Variants in MRE11 observed in about 807,000 individuals in gnomAD.
MRE11 encodes MRE11 double strand break repair nuclease.
MRE11 carries 62 observed loss-of-function variants against 91.7 expected under a neutral mutation model. That is an observed-to-expected ratio of 0.68 (90% CI 0.55 to 0.84). The LOEUF (loss-of-function observed/expected upper bound fraction) is 0.84, where lower values mean the gene tolerates loss of function less well. Among genes scored for constraint, MRE11 ranks in the 40% least tolerant of loss-of-function variants. The pLI is 0.00. For synonymous variants in MRE11, 273 were observed against 271.4 expected (o/e 1.01, Z -0.06); for missense variants, 796 against 852.9 (o/e 0.93, Z 0.83).
rs1591695249 is a variant in MRE11, at chr11:94,471,671, T to TACA, written c.745_747dup (p.Cys249dup). The TACA allele has an allele frequency of 6.2e-7, 1 of 1,612,896 alleles. No individual in the cohort carries two copies. The highest frequency in any genetic ancestry group is 8.5e-7 in the Non-Finnish European group (1 of 1,179,218). The stretch of plus-strand genomic sequence containing the variant: ...TGTTCATTTTTGGTTGGAGCTATTT[T>TACA]ACACTCATGTTCATGGCCCCAGATA... On this transcript the variant is annotated inframe_insertion, in exon 8 of 20. Transcript: ENST00000323929.
At chr11:94,510,102 T>A in the MRE11 span, among the ~76,000 whole-genome samples, 1 of 152,180 alleles carries the variant, frequency 6.6e-6, no homozygotes, top group Non-Finnish European at 1.5e-5. Context: ...CTTAAATGTT[T>A]GGAAGATACC....
In MRE11 at chr11:94,418,984, C is replaced by T. The variant is rs1227636329; in HGVS notation, c.*1141G>A. On this transcript the variant is annotated 3_prime_UTR_variant, in exon 20 of 20. Transcript: ENST00000323929. ...TTTGTTTCTACCTATGAAGAAATGT[C>T]GGGCCATTGTACTCCCAAGATGTAT... is the stretch of plus-strand genomic sequence containing the variant. The T allele has an allele frequency of 3.9e-5, 9 of 230,932 alleles. No homozygotes were observed. The highest frequency in any genetic ancestry group is 1.1e-4 in the Admixed American group (2 of 17,704). The allele number at this position is 230,932 out of a possible 1,614,324, so 14.3% of individuals were successfully genotyped here.
chr11:94,435,217 A>G (rs915077763), intron 18 of MRE11, among the ~76,000 whole-genome samples: 9 of 152,206 alleles, frequency 5.9e-5, no homozygotes, highest in African/African-American at 1.9e-4. Context: ...AGCAAAATAC[A>G]AAATTATTTT....
chr11:94,464,048 T>C, intron 11 of MRE11, 65 bp downstream of exon 11: 1 of 1,531,852 alleles, frequency 6.5e-7, no homozygotes, highest in African/African-American at 1.4e-5. Context: ...TTACAGTTTT[T>C]AATAAAGATT....
chr11:94,444,962 T>G (rs892742030), intron 16 of MRE11, among the ~76,000 whole-genome samples: 1 of 152,186 alleles, frequency 6.6e-6, no homozygotes, highest in Non-Finnish European at 1.5e-5. Context: ...ATGCATACTT[T>G]TTGTAAATAT....
chr11:94,504,315 C>T, the MRE11 span, among the ~76,000 whole-genome samples: 268 of 152,114 alleles, frequency 1.8e-3, no homozygotes, highest in Middle Eastern at 0.01. Flanking sequence ...TTATTATTTT[C>T]CATGGCAAGC....
intron 14 of MRE11, among the ~76,000 whole-genome samples, chr11:94,449,536 G>A (rs978222857): frequency 1.3e-5 from 2 of 152,170 alleles, no homozygotes; most frequent in African/African-American, 4.8e-5. Flanking sequence ...TCCCAGCTGA[G>A]GCTGAACAAT....
At chr11:94,486,905 C>T (rs375753072) in intron 3 of MRE11, among the ~76,000 whole-genome samples, 15 of 152,144 alleles carry the variant, frequency 9.9e-5, no homozygotes, top group African/African-American at 3.6e-4. Context: ...GTATACGATG[C>T]ACCTAAAGAA....
At chr11:94,462,318 AG>A (rs1946441783) in intron 11 of MRE11, among the ~76,000 whole-genome samples, 1 of 152,220 alleles carries the variant, frequency 6.6e-6, no homozygotes, top group Non-Finnish European at 1.5e-5. Flanking sequence ...GCTCATGGAT[AG>A]GAAGAATCAA....
In MRE11 at chr11:94,471,746, T is replaced by C. The variant is rs763790530; in HGVS notation, c.673A>G (p.Ser225Gly). The C allele has an allele frequency of 8.7e-6, 14 of 1,611,480 alleles. No individual in the cohort carries two copies. Among genetic ancestry groups the C allele is most frequent in the Non-Finnish European group, 1.2e-5 (14 of 1,178,396 alleles). Residue 225 changes from serine to glycine, a missense_variant, in exon 8 of 20, where the codon AGT (serine) becomes GGT (glycine). Ser to Gly is a moderately conservative substitution (Grantham distance 56). Coordinates refer to ENST00000323929, the MANE Select transcript of MRE11 (RefSeq NM_005591.4). ...VIHQNRSKHG[S>G]TNFIPEQFLD... is the part of the protein sequence containing the mutation. ...AATTGTTCTGGAATGAAGTTAGTAC[T>C]TCCATGTTTACTCCTGTATCAAGAT...
intron 19 of MRE11, among the ~76,000 whole-genome samples, chr11:94,422,861 G>C (rs1428532648): frequency 6.6e-6 from 1 of 152,034 alleles, no homozygotes; most frequent in Admixed American, 6.5e-5. Context: ...TTACAGGCAT[G>C]TGCCACCATG....
chr11:94,469,454 CAT>C (rs761318484), intron 9 of MRE11, among the ~76,000 whole-genome samples: 13 of 152,128 alleles, frequency 8.5e-5, no homozygotes, highest in Non-Finnish European at 1.8e-4. Flanking sequence ...GGGAAGGGCA[CAT>C]GACTCAGGCC....
Position 94,429,902 on chromosome 11 carries a change from C to T in MRE11, c.2070+9G>A. 1.2e-6 allele frequency: 2 copies of T among 1,605,226 alleles called. No individual in the cohort carries two copies. The highest frequency in any genetic ancestry group is 2.0e-4 in the Middle Eastern group (1 of 4,946). On this transcript the variant is annotated intron_variant, in intron 19 of 19. Transcript: ENST00000323929. ...AATTAATTAAAATTTAACAATATTA[C>T]TTATTTACCTCACTTGATTCAAAAT...
intron 11 of MRE11, among the ~76,000 whole-genome samples, chr11:94,462,341 T>C (rs896008292): frequency 2.0e-4 from 31 of 152,112 alleles, no homozygotes; most frequent in African/African-American, 6.5e-4. Flanking sequence ...ATCGTGAAAA[T>C]GGCCATACTG....
At chr11:94,486,810 A>C (rs908461212) in intron 3 of MRE11, among the ~76,000 whole-genome samples, 2 of 152,176 alleles carry the variant, frequency 1.3e-5, no homozygotes, top group African/African-American at 4.8e-5. Context: ...GGAAAGATAA[A>C]TGATTGTGAG....
chr11:94,488,633 C>T (rs1428304711), intron 3 of MRE11, among the ~76,000 whole-genome samples: 1 of 152,058 alleles, frequency 6.6e-6, no homozygotes, highest in African/African-American at 2.4e-5. Context: ...TTAAAAAGAA[C>T]CAGATAATGT....
chr11:94,491,768 A>ATC (rs993445213), intron 2 of MRE11, among the ~76,000 whole-genome samples: 2 of 152,196 alleles, frequency 1.3e-5, no homozygotes, highest in African/African-American at 4.8e-5. Flanking sequence ...TTTTTAAAAA[A>ATC]TCTCTGTATA....
chr11:94,491,053 A>G (rs1057219658), intron 2 of MRE11, 88 bp from the exon 3 acceptor site: 1 of 854,872 alleles, frequency 1.2e-6, no homozygotes, highest in Middle Eastern at 3.5e-4. Flanking sequence ...TAAAATAAAT[A>G]ATAACAGTTA....
At chr11:94,442,473 A>C (rs1169799559) in intron 16 of MRE11, among the ~76,000 whole-genome samples, 1 of 152,102 alleles carries the variant, frequency 6.6e-6, no homozygotes, top group Non-Finnish European at 1.5e-5. Flanking sequence ...GGACACAAAA[A>C]CACAAAAACA....
Sources: allele counts gnomAD v4.1 joint callset (sites outside exome capture counted in the v4.1 genomes callset), GRCh38; gene constraint gnomAD v4.1.1; transcripts MANE v1.5; gene names NCBI Gene and HGNC (gene_info 2026-07-23, HGNC 2026-07-21).